Variants in NPAS2 observed in about 807,000 individuals in gnomAD.
NPAS2 encodes the protein neuronal PAS domain-containing protein 2.
Under a neutral mutation model 107.5 loss-of-function variants are expected in NPAS2, and 23 were observed. The observed-to-expected ratio is 0.21, with a 90% CI of 0.15 to 0.30. The LOEUF (loss-of-function observed/expected upper bound fraction) is 0.30, where lower values mean the gene tolerates loss of function less well. Ranked by LOEUF, NPAS2 falls within the 10% of genes least tolerant of loss-of-function variation. NPAS2 has a pLI of 1.00. For synonymous variants in NPAS2, 403 were observed against 417.5 expected (o/e 0.97, Z 0.42); for missense variants, 756 against 1,043.3 (o/e 0.72, Z 3.79).
chr2:100,948,747 T>C (rs1675050549), intron 6 of NPAS2, among the ~76,000 whole-genome samples: 1 of 152,224 alleles, frequency 6.6e-6, no homozygotes, highest in African/African-American at 2.4e-5. Context: ...GAAAACGGAA[T>C]AATTAGGTCA....
intron 7 of NPAS2, among the ~76,000 whole-genome samples, chr2:100,955,740 TC>T (rs1207284507): frequency 6.6e-6 from 1 of 151,990 alleles, no homozygotes; most frequent in Non-Finnish European, 1.5e-5. Flanking sequence ...CTCTGTGCAC[TC>T]CCCACCCACT....
rs376486630 is a variant in NPAS2 at position 100,964,191 on chromosome 2, G to A, written c.717+15G>A. The A allele has an allele frequency of 4.7e-6, 7 of 1,502,232 alleles. No individual in the cohort carries two copies. The African/African-American group carries it at 6.9e-5, about 15-fold the overall frequency. 93.1% of individuals were successfully genotyped at this position (1,502,232 alleles called of 1,614,324 possible). ...AATTCTTAAAGGCAAGTACCTGAGAGGCAGTTCATTGTGCGGAGCTGTTAT... is the reference window on the plus strand; with the variant it reads ...AATTCTTAAAGGCAAGTACCTGAGAAGCAGTTCATTGTGCGGAGCTGTTAT... On this transcript the variant is annotated intron_variant, in intron 8 of 20. Coordinates refer to ENST00000335681, the MANE Select transcript of NPAS2 (RefSeq NM_002518.4).
rs115983057 is a variant in NPAS2 at position 100,871,726 on chromosome 2, G to A, written c.-22-33007G>A. 2.2e-3 allele frequency among the ~76,000 whole-genome samples: 335 copies of A among 152,132 alleles called. 6 individuals carry two copies. The highest frequency in any genetic ancestry group is 7.5e-3 in the African/African-American group (310 of 41,512). On this transcript the variant is annotated intron_variant, in intron 1 of 20. Transcript: ENST00000335681. ...CACTTGTCACCTCTTCAGCTCCAGC[G>A]TTGCTCCACTGAACTTTTCCTGCTG...
chr2:100,971,422 T>A (rs1336265199), intron 12 of NPAS2, among the ~76,000 whole-genome samples: 1 of 150,952 alleles, frequency 6.6e-6, no homozygotes, highest in Non-Finnish European at 1.5e-5. Flanking sequence ...CGGCATCTCC[T>A]CCACAGATAA....
At chr2:100,895,608 C>T (rs1029938306) in intron 1 of NPAS2, among the ~76,000 whole-genome samples, 1 of 152,156 alleles carries the variant, frequency 6.6e-6, no homozygotes, top group South Asian at 2.1e-4. Context: ...GAGTTCCAGC[C>T]CTCCTCCCCG....
At chr2:100,825,131 A>G (rs1056233622) in intron 1 of NPAS2, among the ~76,000 whole-genome samples, 1 of 152,206 alleles carries the variant, frequency 6.6e-6, no homozygotes, top group African/African-American at 2.4e-5. Flanking sequence ...GCTTCCAGAA[A>G]ACACAGGCCC....
intron 2 of NPAS2, among the ~76,000 whole-genome samples, chr2:100,920,443 C>T (rs1048690432): frequency 1.3e-5 from 2 of 152,070 alleles, no homozygotes; most frequent in Admixed American, 6.5e-5. Context: ...TGGAAGGTAA[C>T]CTGTGCCCCA....
chr2:100,831,298 AAAAT>A (rs1036115335), intron 1 of NPAS2, among the ~76,000 whole-genome samples: 4 of 152,192 alleles, frequency 2.6e-5, no homozygotes, highest in South Asian at 2.1e-4. Flanking sequence ...TCTGTCTCAA[AAAAT>A]AAATAAATAA....
chr2:100,917,396 C>T (rs761687645), intron 2 of NPAS2, among the ~76,000 whole-genome samples: 2 of 151,938 alleles, frequency 1.3e-5, no homozygotes, highest in South Asian at 2.1e-4. Context: ...GGCGTGGTGG[C>T]GGGCACCTGT....
At chr2:100,884,857 T>C (rs550345438) in intron 1 of NPAS2, among the ~76,000 whole-genome samples, 6 of 152,250 alleles carry the variant, frequency 3.9e-5, no homozygotes, top group African/African-American at 1.4e-4. Context: ...TTAGTACTTC[T>C]GCCGTTTTGT....
chr2:100,861,210 G>C (rs768013014), intron 1 of NPAS2, among the ~76,000 whole-genome samples: 1 of 152,056 alleles, frequency 6.6e-6, no homozygotes, highest in Non-Finnish European at 1.5e-5. Context: ...GAAGGGTTCC[G>C]AGCTGCTCAG....
At chr2:100,989,560 G>A (rs1040680490) in intron 17 of NPAS2, 1 of 152,242 alleles carries the variant, frequency 6.6e-6, no homozygotes, top group African/African-American at 2.4e-5. Flanking sequence ...GTTATCGGAT[G>A]AATGGACAAT....
Position 100,925,134 on chromosome 2 carries a change from TTG to T in NPAS2, c.33-8_33-7del, listed in dbSNP as rs755276035. The T allele has an allele frequency of 4.4e-6, 7 of 1,602,192 alleles. No individual in the cohort carries two copies. The African/African-American group carries it at 6.7e-5, about 15-fold the overall frequency. On this transcript the variant is annotated splice_polypyrimidine_tract_variant and intron_variant, in intron 2 of 20. Transcript: ENST00000335681. Reference sequence around the variant, plus strand: ...GGAATGTTCCAGTAACCTGCTCGTTTTGTGTTTACAGAGCTTCTCGAAACAAG... The same window carrying T: ...GGAATGTTCCAGTAACCTGCTCGTTTTGTTTACAGAGCTTCTCGAAACAAG...
chr2:100,960,667 G>C (rs936097037), intron 7 of NPAS2, among the ~76,000 whole-genome samples: 2 of 152,046 alleles, frequency 1.3e-5, no homozygotes, highest in Non-Finnish European at 2.9e-5. Flanking sequence ...CATGTGCTAT[G>C]GGCACCTCCC....
In NPAS2 at chr2:100,965,345, C is replaced by A. The variant is rs1676153493; in HGVS notation, c.801-315C>A. Among the ~76,000 whole-genome samples, 1 of 152,144 alleles carries A rather than the reference C, an allele frequency of 6.6e-6. No individual in the cohort carries two copies. Among genetic ancestry groups the A allele is most frequent in the Non-Finnish European group, 1.5e-5 (1 of 68,020 alleles). ...AGAACTCCAAATCTCCCCTCCCCAC[C>A]CTTTAATTTATATTACACTTTGGTG... On this transcript the variant is annotated intron_variant, in intron 9 of 20. Transcript: ENST00000335681. The surrounding 1 kb of genome is among the most constrained non-coding windows in gnomAD (Gnocchi z 4.3).
intron 16 of NPAS2, chr2:100,984,372 C>T (rs1677653900): frequency 6.6e-6 from 1 of 152,164 alleles, no homozygotes. Flanking sequence ...CTCCAGCCCA[C>T]CCCCAAAAGT....
At chr2:100,929,323 C>G (rs1015741921) in intron 3 of NPAS2, among the ~76,000 whole-genome samples, 2 of 152,176 alleles carry the variant, frequency 1.3e-5, no homozygotes, top group Admixed American at 6.5e-5. Flanking sequence ...GTCTCCAGAG[C>G]CCAACCTTTT....
intron 4 of NPAS2, 135 bp from the exon 5 acceptor site, chr2:100,937,618 C>T (rs936667744): frequency 1.4e-5 from 10 of 717,102 alleles, no homozygotes; most frequent in Admixed American, 9.5e-5. Context: ...CAAGAAGTGC[C>T]GTGAGGTTAT....
rs1683078118 is a variant in NPAS2, at chr2:100,919,305, G to A, written c.33-5841G>A. 3.3e-5 allele frequency among the ~76,000 whole-genome samples: 5 copies of A among 152,146 alleles called. No individual in the cohort carries two copies. In the South Asian group the frequency reaches 1.0e-3, roughly 32 times the overall value. ...ATGACGGTTGCATACCTTTATACAT[G>A]TGCTAAAACGTATAGAACCGTGTCC... is the stretch of plus-strand genomic sequence containing the variant. On this transcript the variant is annotated intron_variant, in intron 2 of 20. Coordinates refer to ENST00000335681, the MANE Select transcript of NPAS2 (RefSeq NM_002518.4).
Sources: gnomAD v4.1 joint callset for allele counts (sites outside exome capture counted in the v4.1 genomes callset) on GRCh38, gnomAD v4.1.1 for gene constraint, Gnocchi (gnomAD v3.1) non-coding constraint, MANE v1.5 for transcripts, NCBI Gene and HGNC (gene_info 2026-07-23, HGNC 2026-07-21) for gene names.